The following CLINT1 variants were observed in gnomAD, a reference collection of about 807,000 sequenced individuals.
CLINT1 encodes clathrin interacting protein localized in the trans-Golgi region.
CLINT1 carries 15 observed loss-of-function variants against 70.4 expected under a neutral mutation model. The ratio of observed to expected loss-of-function variants is 0.21; its 90% CI spans 0.14 to 0.33. The LOEUF (loss-of-function observed/expected upper bound fraction) is 0.33. Ranked by LOEUF, CLINT1 falls within the 10% of genes least tolerant of loss-of-function variation. CLINT1 has a pLI of 1.00. For synonymous variants in CLINT1, 227 were observed against 254.7 expected (o/e 0.89, Z 1.04); for missense variants, 615 against 778.1 (o/e 0.79, Z 2.49).
intron 1 of CLINT1, among the ~76,000 whole-genome samples, chr5:157,855,998 G>A (rs1333801882): frequency 1.3e-5 from 2 of 151,936 alleles, no homozygotes; most frequent in African/African-American, 2.4e-5. Context: ...TCTAAGAGTG[G>A]CTCCAGGAAA....
In CLINT1 at chr5:157,789,527, G is replaced by A; in HGVS notation, c.1381-14C>T. On this transcript the variant is annotated splice_polypyrimidine_tract_variant and intron_variant, in intron 10 of 11. Coordinates refer to ENST00000411809, the MANE Select transcript of CLINT1 (RefSeq NM_014666.4). ...CATATCTGTATTCTGATTATAGAGA[G>A]GATTAGGCTTCTGCAGCACTGTGCT... 1 of 1,613,956 alleles carries A rather than the reference G, an allele frequency of 6.2e-7. No homozygotes were observed. The highest frequency in any genetic ancestry group is 8.5e-7 in the Non-Finnish European group (1 of 1,179,876).
chr5:157,817,597 A>G, intron 1 of CLINT1, 50 bp from the exon 2 acceptor site: 2 of 1,190,442 alleles, frequency 1.7e-6, no homozygotes, highest in Non-Finnish European at 2.4e-6. Flanking sequence ...TAGCATCAAA[A>G]CTGAGAAACA....
intron 10 of CLINT1, chr5:157,790,029 C>A: frequency 6.0e-6 from 1 of 167,022 alleles, no homozygotes; most frequent in Non-Finnish European, 1.3e-5. Context: ...GATGAAACCC[C>A]ATCTCTACTA....
rs183614077 is a variant in CLINT1, at chr5:157,845,823, G to A, written c.41+13107C>T. 1.7e-3 allele frequency among the ~76,000 whole-genome samples: 263 copies of A among 152,196 alleles called. 1 individual carries two copies. Among genetic ancestry groups the A allele is most frequent in the African/African-American group, 5.8e-3 (239 of 41,534 alleles). ...CCTGCCTCCACCTCCCAAAGTGCTG[G>A]GATTACAGGCGTAAGCCACCATGCC... On this transcript the variant is annotated intron_variant, in intron 1 of 11. Transcript: ENST00000411809.
chr5:157,839,566 A>T (rs1015899209), intron 1 of CLINT1, among the ~76,000 whole-genome samples: 1 of 151,618 alleles, frequency 6.6e-6, no homozygotes, highest in Non-Finnish European at 1.5e-5. Context: ...TGTGCACTGC[A>T]CTCCAGCCCG....
chr5:157,797,876 T>C (rs1194994046), intron 8 of CLINT1, among the ~76,000 whole-genome samples: 1 of 152,202 alleles, frequency 6.6e-6, no homozygotes. Context: ...AACTTATCTA[T>C]AGCAAATAGT....
At chr5:157,850,610 C>T (rs1753538853) in intron 1 of CLINT1, among the ~76,000 whole-genome samples, 3 of 51,226 alleles carry the variant, frequency 5.9e-5, no homozygotes, top group Admixed American at 2.8e-4. Context: ...GAGACCCTGT[C>T]TCAAAAAAAA....
chr5:157,817,204 T>G (rs1484680541), intron 2 of CLINT1, among the ~76,000 whole-genome samples: 2 of 152,184 alleles, frequency 1.3e-5, no homozygotes, highest in Non-Finnish European at 2.9e-5. Context: ...ACAGTGTATC[T>G]CAAAACTTCA....
intron 11 of CLINT1, among the ~76,000 whole-genome samples, chr5:157,788,503 G>T (rs552689789): frequency 6.6e-6 from 1 of 152,182 alleles, no homozygotes; most frequent in South Asian, 2.1e-4. Context: ...ATAACAAATA[G>T]CTGGAAACAA....
At chr5:157,806,151 G>A (rs751332288) in intron 6 of CLINT1, 39 bp from the exon 7 acceptor site, 3 of 1,595,348 alleles carry the variant, frequency 1.9e-6, no homozygotes, top group Non-Finnish European at 2.6e-6. Flanking sequence ...AATAAGACGG[G>A]ATTATTTTAA....
At chr5:157,821,055 T>C (rs1158392151) in intron 1 of CLINT1, among the ~76,000 whole-genome samples, 1 of 152,206 alleles carries the variant, frequency 6.6e-6, no homozygotes, top group African/African-American at 2.4e-5. Flanking sequence ...AATTATCTCT[T>C]TACACTTAGT....
In CLINT1 at chr5:157,816,966, G is replaced by A. The variant is rs1164224172; in HGVS notation, c.147-136C>T. The A allele has an allele frequency of 1.5e-5, 9 of 592,790 alleles. No individual in the cohort carries two copies. The East Asian group carries it at 2.4e-4, about 16-fold the overall frequency. The allele number at this position is 592,790 out of a possible 1,614,324, so 36.7% of individuals were successfully genotyped here. A position where few individuals can be genotyped will look rare whatever the true frequency, so the allele number is the denominator to read the frequency against. On this transcript the variant is annotated intron_variant, in intron 2 of 11. Transcript: ENST00000411809. The stretch of plus-strand genomic sequence containing the variant: ...TTAATTCAAAAAATTTAGAAGATAT[G>A]TACTTCCTTGAAAATGTTTTCCCTA...
chr5:157,790,658 A>G (rs1006293057), intron 10 of CLINT1: 40 of 454,822 alleles, frequency 8.8e-5, no homozygotes, highest in African/African-American at 5.4e-4. Context: ...GAATCTACAC[A>G]TTAAAATGAG....
intron 1 of CLINT1, among the ~76,000 whole-genome samples, chr5:157,834,481 T>TA (rs909624483): frequency 9.2e-5 from 14 of 151,932 alleles, no homozygotes; most frequent in African/African-American, 2.9e-4. Context: ...TTTAGGACTA[T>TA]AAAAAAAAGT....
chr5:157,813,133 T>C lies in CLINT1; in HGVS notation c.447A>G (p.Arg149=). ...AQDDDRLREE[R]KKAKKNKDKY... The stretch of plus-strand genomic sequence containing the variant: ...TGTCTTTGTTCTTCTTTGCTTTCTT[T>C]CGCTCTTCACGAAGCCTGTCGTCAT... The change falls in exon 5 of 12, where the codon CGA becomes CGG. Residue 149 remains arginine, a synonymous_variant. Transcript: ENST00000411809. 6.2e-7 allele frequency: 1 copy of C among 1,613,916 alleles called. No individual in the cohort carries two copies. The highest frequency in any genetic ancestry group is 8.5e-7 in the Non-Finnish European group (1 of 1,179,848).
chr5:157,854,473 T>C (rs1753681187), intron 1 of CLINT1, among the ~76,000 whole-genome samples: 1 of 152,158 alleles, frequency 6.6e-6, no homozygotes, highest in African/African-American at 2.4e-5. Context: ...TGGTCCCAGC[T>C]GCAGTGTGCA....
intron 8 of CLINT1, among the ~76,000 whole-genome samples, chr5:157,796,824 C>T (rs922830636): frequency 1.3e-5 from 2 of 152,066 alleles, no homozygotes; most frequent in South Asian, 2.1e-4. Flanking sequence ...TTACTGTAGT[C>T]AACTAGCAGC....
chr5:157,818,260 G>T (rs1426994714), intron 1 of CLINT1, among the ~76,000 whole-genome samples: 2 of 151,960 alleles, frequency 1.3e-5, no homozygotes, highest in African/African-American at 4.8e-5. Context: ...CACTTACTAT[G>T]TGACCTTTGA....
At chr5:157,801,506 CA>C (rs1205787844) in intron 8 of CLINT1, among the ~76,000 whole-genome samples, 52 of 139,632 alleles carry the variant, frequency 3.7e-4, no homozygotes, top group Middle Eastern at 4.1e-3. Context: ...AACTCTGTCT[CA>C]AAAAAAAAAA....
Sources: allele counts gnomAD v4.1 joint callset (sites outside exome capture counted in the v4.1 genomes callset), GRCh38; gene constraint gnomAD v4.1.1; transcripts MANE v1.5; gene names NCBI Gene and HGNC (gene_info 2026-07-23, HGNC 2026-07-21).